The following SLC25A12 variants were observed in gnomAD, a reference collection of about 807,000 sequenced individuals.
SLC25A12 encodes solute carrier family 25 member 12.
SLC25A12 carries 32 observed loss-of-function variants against 83.3 expected under a neutral mutation model. That is an observed-to-expected ratio of 0.38 (90% CI 0.29 to 0.52). SLC25A12 has a LOEUF of 0.52. Among genes scored for constraint, SLC25A12 ranks in the 20% least tolerant of loss-of-function variants. The probability of loss-of-function intolerance (pLI) is 0.84; values close to 1 mark genes in which losing one functional copy is unlikely to be tolerated. For synonymous variants in SLC25A12, 267 were observed against 291.1 expected, an observed-to-expected ratio of 0.92 and a Z score of 0.84; for missense variants, 611 against 835.6, an observed-to-expected ratio of 0.73 and a Z score of 3.31.
chr2:171,883,873 T>C (rs530200005), intron 2 of SLC25A12, among the ~76,000 whole-genome samples: 2 of 152,172 alleles, frequency 1.3e-5, no homozygotes, highest in South Asian at 2.1e-4. Context: ...TTTTGTTTTG[T>C]TTTAAGAGAC....
chr2:171,853,630 A>G (rs1013568353), intron 4 of SLC25A12, among the ~76,000 whole-genome samples: 2 of 152,154 alleles, frequency 1.3e-5, no homozygotes, highest in Admixed American at 1.3e-4. Flanking sequence ...GCAGTGAGCC[A>G]AGATCACGCC....
chr2:171,838,940 T>TA (rs956811378), intron 5 of SLC25A12, among the ~76,000 whole-genome samples: 1 of 151,864 alleles, frequency 6.6e-6, no homozygotes, highest in Non-Finnish European at 1.5e-5. Context: ...TCTTCCAAAA[T>TA]AAAAAAGATT....
At chr2:171,880,026 T>A (rs962491926) in intron 2 of SLC25A12, among the ~76,000 whole-genome samples, 2 of 152,180 alleles carry the variant, frequency 1.3e-5, no homozygotes, top group African/African-American at 4.8e-5. Flanking sequence ...ATGATTTGGT[T>A]AGTTTTTCAG....
intron 3 of SLC25A12, among the ~76,000 whole-genome samples, chr2:171,861,084 C>T (rs1050199599): frequency 2.1e-4 from 31 of 150,264 alleles, no homozygotes; most frequent in Non-Finnish European, 4.4e-5. Context: ...AGAGTGGGAC[C>T]CTGTCTCAAA....
In SLC25A12 at chr2:171,834,774, A is replaced by G. The variant is rs1406245579; in HGVS notation, c.704T>C (p.Ile235Thr). 1 of 1,613,906 alleles carries G rather than the reference A, an allele frequency of 6.2e-7. No homozygotes were observed. The highest frequency in any genetic ancestry group is 1.1e-5 in the South Asian group (1 of 91,082). Reference sequence around the variant, plus strand: ...CCTTGTGCCAGCTAGAGTGCTATATATCTTACGAACAAGCTCCATGTTATT... The same window carrying G: ...CCTTGTGCCAGCTAGAGTGCTATATGTCTTACGAACAAGCTCCATGTTATT... Reference protein sequence around the residue: ...LLNNMELVRKIYSTLAGTRKD... With the variant: ...LLNNMELVRKTYSTLAGTRKD... The change falls in exon 7 of 18, where the codon ATA becomes ACA. Residue 235 changes from isoleucine to threonine, a missense_variant. Physicochemically the swap from Ile to Thr is moderately conservative, Grantham distance 89 (BLOSUM62 -1). Around this residue, in one of 3 missense-constraint regions of SLC25A12, gnomAD observed 540 missense variants for 777.5 expected, o/e 0.69. Transcript: ENST00000422440.
chr2:171,808,686 T>C (rs1305382670), intron 13 of SLC25A12, among the ~76,000 whole-genome samples: 2 of 152,220 alleles, frequency 1.3e-5, no homozygotes, highest in East Asian at 1.9e-4. Flanking sequence ...ATAGAGCTGA[T>C]GAAAATGCCA....
chr2:171,798,005 CATT>C (rs1459265254), intron 13 of SLC25A12, among the ~76,000 whole-genome samples: 3 of 152,100 alleles, frequency 2.0e-5, no homozygotes, highest in African/African-American at 4.8e-5. Flanking sequence ...GAGATACAAA[CATT>C]AATACTAAAA....
intron 9 of SLC25A12, among the ~76,000 whole-genome samples, chr2:171,818,074 A>G (rs1375061956): frequency 6.6e-6 from 1 of 152,226 alleles, no homozygotes; most frequent in Non-Finnish European, 1.5e-5. Flanking sequence ...CTTAGTTATC[A>G]CTTATGGCTC....
intron 2 of SLC25A12, among the ~76,000 whole-genome samples, chr2:171,889,975 C>T (rs1014857295): frequency 1.3e-5 from 2 of 152,208 alleles, no homozygotes; most frequent in African/African-American, 2.4e-5. Context: ...AATATTATTA[C>T]ACAGCCACTA....
intron 3 of SLC25A12, among the ~76,000 whole-genome samples, chr2:171,865,059 T>A (rs1172516952): frequency 1.3e-5 from 2 of 152,204 alleles, no homozygotes; most frequent in Non-Finnish European, 2.9e-5. Context: ...CTTACAGCTT[T>A]CTAACATACC....
At chr2:171,843,698 T>C (rs1684730527) in intron 5 of SLC25A12, among the ~76,000 whole-genome samples, 1 of 151,832 alleles carries the variant, frequency 6.6e-6, no homozygotes, top group Non-Finnish European at 1.5e-5. Context: ...ATAGGATTAC[T>C]GATCTAAGCA....
intron 15 of SLC25A12, among the ~76,000 whole-genome samples, chr2:171,790,425 TAACTC>T (rs1436778472): frequency 6.6e-6 from 1 of 152,232 alleles, no homozygotes; most frequent in African/African-American, 2.4e-5. Context: ...AGCTCCTTCC[TAACTC>T]AAGAGTCAGG....
Position 171,871,796 on chromosome 2 carries a change from C to A in SLC25A12, c.67-2973G>T, listed in dbSNP as rs113810383. 2,467 of 951,238 alleles carry A rather than the reference C, an allele frequency of 2.6e-3. 2 individuals carry two copies. Among genetic ancestry groups the A allele is most frequent in the Non-Finnish European group, 2.9e-3 (2,347 of 799,302 alleles). 58.9% of individuals were successfully genotyped at this position (951,238 alleles called of 1,614,324 possible). On this transcript the variant is annotated intron_variant, in intron 2 of 17. Transcript: ENST00000422440. Reference sequence around the variant, plus strand: ...CTTGCAGAATAAAGTTCAGACTCTTCTGTTTAGCATTCAAAGCATTTGAGA... The same window carrying A: ...CTTGCAGAATAAAGTTCAGACTCTTATGTTTAGCATTCAAAGCATTTGAGA...
At chr2:171,786,985 C>T (rs954296407) in intron 17 of SLC25A12, among the ~76,000 whole-genome samples, 38 of 152,210 alleles carry the variant, frequency 2.5e-4, no homozygotes, top group East Asian at 7.7e-4. Flanking sequence ...ATAATGAGAA[C>T]GCCATGAAGT....
intron 2 of SLC25A12, among the ~76,000 whole-genome samples, chr2:171,869,682 G>A (rs144181021): frequency 0.019 from 2,847 of 152,096 alleles, 57 homozygotes; most frequent in Admixed American, 0.067. Flanking sequence ...ATATACTATG[G>A]GATGACCAAA....
chr2:171,847,615 T>G (rs2105898180), intron 4 of SLC25A12, among the ~76,000 whole-genome samples: 1 of 152,340 alleles, frequency 6.6e-6, no homozygotes, highest in East Asian at 1.9e-4. Flanking sequence ...ATGCTATTTC[T>G]GTAGCATAGT....
intron 9 of SLC25A12, among the ~76,000 whole-genome samples, chr2:171,825,858 G>A (rs988226752): frequency 6.6e-6 from 1 of 152,110 alleles, no homozygotes; most frequent in Non-Finnish European, 1.5e-5. Context: ...ACTCTTCAAG[G>A]TAATTTCATG....
chr2:171,809,341 T>G (rs539102910), intron 13 of SLC25A12: 1 of 462,560 alleles, frequency 2.2e-6, no homozygotes, highest in African/African-American at 2.0e-5. Context: ...ATGGTTCCTA[T>G]TTCTCCACAT....
intron 4 of SLC25A12, among the ~76,000 whole-genome samples, chr2:171,854,224 C>T (rs751347736): frequency 6.6e-6 from 1 of 152,190 alleles, no homozygotes; most frequent in Non-Finnish European, 1.5e-5. Context: ...ATGGTCGAAG[C>T]TTGCTCCAAA....
Sources: allele counts gnomAD v4.1 joint callset (sites outside exome capture counted in the v4.1 genomes callset), GRCh38; gene constraint gnomAD v4.1.1; regional missense constraint gnomAD v4.1.1; transcripts MANE v1.5; gene names NCBI Gene and HGNC (gene_info 2026-07-23, HGNC 2026-07-21).